Variants in PDE4B observed in about 807,000 individuals in gnomAD.
PDE4B encodes phosphodiesterase 4B.
PDE4B carries 20 observed loss-of-function variants against 82.2 expected under a neutral mutation model. The ratio of observed to expected loss-of-function variants is 0.24; its 90% CI spans 0.17 to 0.35. PDE4B has a LOEUF of 0.35. Ranked by LOEUF, PDE4B falls within the 10% of genes least tolerant of loss-of-function variation. The pLI is 1.00. For missense variants in PDE4B, 655 were observed against 907.2 expected (o/e 0.72, Z 3.57); for synonymous variants, 320 against 318.9 (o/e 1.00, Z -0.04).
intron 7 of PDE4B, among the ~76,000 whole-genome samples, chr1:66,281,555 C>T (rs1020097253): frequency 4.6e-5 from 7 of 152,212 alleles, no homozygotes; most frequent in Non-Finnish European, 7.3e-5. Context: ...AGGGTGGATT[C>T]AATCACTTCT....
Position 66,186,176 on chromosome 1 carries a change from T to C in PDE4B, c.282-61284T>C, listed in dbSNP as rs575375421. 1.6e-4 allele frequency among the ~76,000 whole-genome samples: 24 copies of C among 152,338 alleles called. No individual in the cohort carries two copies. In the South Asian group the frequency reaches 5.0e-3, roughly 32 times the overall value. The stretch of plus-strand genomic sequence containing the variant: ...TGCGGCATTATTTCTGAGGGCTCTT[T>C]CTGTTCCATTGGTCTATATCTCTGT... On this transcript the variant is annotated intron_variant, in intron 3 of 16. Coordinates refer to ENST00000341517, the MANE Select transcript of PDE4B (RefSeq NM_002600.4).
At chr1:66,259,125 T>C (rs781582561) in intron 6 of PDE4B, among the ~76,000 whole-genome samples, 1 of 152,222 alleles carries the variant, frequency 6.6e-6, no homozygotes, top group Non-Finnish European at 1.5e-5. Flanking sequence ...CTCTTTTGGG[T>C]AGAACTCCAT....
intron 1 of PDE4B, among the ~76,000 whole-genome samples, chr1:65,861,881 T>G (rs1646458575): frequency 6.6e-6 from 1 of 152,180 alleles, no homozygotes; most frequent in South Asian, 2.1e-4. Flanking sequence ...ATGCTTATGA[T>G]TTTTGCACAT....
intron 3 of PDE4B, among the ~76,000 whole-genome samples, chr1:65,967,863 C>T (rs907656982): frequency 3.3e-5 from 5 of 151,880 alleles, no homozygotes; most frequent in Non-Finnish European, 7.4e-5. Context: ...ACACCAGGGC[C>T]TTTCGAGGGG....
At chr1:66,020,140 C>T (rs1653009332) in intron 3 of PDE4B, among the ~76,000 whole-genome samples, 1 of 152,052 alleles carries the variant, frequency 6.6e-6, no homozygotes, top group Non-Finnish European at 1.5e-5. Flanking sequence ...TTTATAATGC[C>T]TATTTGAAAT....
At chr1:66,359,966 C>T (rs1032040826) in intron 9 of PDE4B, among the ~76,000 whole-genome samples, 10 of 152,046 alleles carry the variant, frequency 6.6e-5, no homozygotes, top group Admixed American at 3.9e-4. Flanking sequence ...GCCCTCTGAG[C>T]TTGGGCAAGT....
intron 1 of PDE4B, among the ~76,000 whole-genome samples, chr1:65,898,273 G>A (rs963651502): frequency 4.6e-5 from 7 of 151,594 alleles, no homozygotes; most frequent in African/African-American, 1.7e-4. Context: ...TCCATTTTGT[G>A]GGGTTTCTGT....
intron 3 of PDE4B, among the ~76,000 whole-genome samples, chr1:66,097,790 G>T (rs1313786611): frequency 6.7e-6 from 1 of 148,200 alleles, no homozygotes; most frequent in African/African-American, 2.5e-5. Context: ...TTTCTCTATT[G>T]TTTATTGTCC....
chr1:66,334,328 T>C (rs1239301900), intron 8 of PDE4B, among the ~76,000 whole-genome samples: 2 of 152,180 alleles, frequency 1.3e-5, no homozygotes, highest in Non-Finnish European at 2.9e-5. Context: ...TCATTTTGAG[T>C]GTCAATATGC....
intron 3 of PDE4B, among the ~76,000 whole-genome samples, chr1:65,938,264 A>G (rs1375353321): frequency 3.3e-5 from 5 of 152,150 alleles, no homozygotes; most frequent in Non-Finnish European, 1.5e-5. Context: ...CTTAACTATG[A>G]TAAAAACTCT....
chr1:65,795,887 G>A (rs554042876), intron 1 of PDE4B, among the ~76,000 whole-genome samples: 3 of 152,310 alleles, frequency 2.0e-5, no homozygotes, highest in Admixed American at 6.5e-5. Context: ...CTGTGACTAT[G>A]TTCTTACCCC....
chr1:66,270,495 C>T (rs1007639440), intron 7 of PDE4B, among the ~76,000 whole-genome samples: 4 of 152,156 alleles, frequency 2.6e-5, no homozygotes, highest in East Asian at 1.9e-4. Context: ...ACATTGATTC[C>T]GTTCTCATTC....
At chr1:66,146,886 T>C (rs1342801071) in intron 3 of PDE4B, among the ~76,000 whole-genome samples, 1 of 152,232 alleles carries the variant, frequency 6.6e-6, no homozygotes, top group East Asian at 1.9e-4. Context: ...CTTGTTCCTA[T>C]TGCACACTAA....
intron 3 of PDE4B, among the ~76,000 whole-genome samples, chr1:66,208,921 G>T (rs1318398487): frequency 1.3e-5 from 2 of 152,176 alleles, no homozygotes; most frequent in East Asian, 3.8e-4. Context: ...TTAAGGAAAA[G>T]ATGTGTATGC....
intron 3 of PDE4B, among the ~76,000 whole-genome samples, chr1:66,129,686 AAAC>A (rs1156925722): frequency 1.9e-5 from 1 of 51,752 alleles, no homozygotes; most frequent in African/African-American, 8.2e-5. Flanking sequence ...AAAAACAAAA[AAAC>A]AAAAAAACAA....
intron 10 of PDE4B, among the ~76,000 whole-genome samples, chr1:66,362,814 G>A (rs1662887299): frequency 6.6e-6 from 1 of 152,170 alleles, no homozygotes; most frequent in South Asian, 2.1e-4. Context: ...GGGCCAGTAA[G>A]CAGCAAGGGG....
chr1:65,973,421 A>G (rs1650248019), intron 3 of PDE4B, among the ~76,000 whole-genome samples: 1 of 152,136 alleles, frequency 6.6e-6, no homozygotes, highest in African/African-American at 2.4e-5. Context: ...GTTTGAATAA[A>G]ACTTCAGTAC....
intron 3 of PDE4B, among the ~76,000 whole-genome samples, chr1:66,162,820 T>C (rs1646644527): frequency 1.3e-5 from 2 of 152,150 alleles, no homozygotes; most frequent in African/African-American, 2.4e-5. Context: ...GAGGTGGTGC[T>C]GGACGTTTGA....
At chr1:66,116,431 C>T (rs1246863756) in intron 3 of PDE4B, among the ~76,000 whole-genome samples, 1 of 152,198 alleles carries the variant, frequency 6.6e-6, no homozygotes, top group Non-Finnish European at 1.5e-5. Flanking sequence ...CCAACTCCCA[C>T]CACACACATC....
Sources: gnomAD v4.1 joint callset for allele counts (sites outside exome capture counted in the v4.1 genomes callset) on GRCh38, gnomAD v4.1.1 for gene constraint, MANE v1.5 for transcripts, NCBI Gene and HGNC (gene_info 2026-07-23, HGNC 2026-07-21) for gene names.